The following SELENOH variants were observed in gnomAD, a reference collection of about 807,000 sequenced individuals.
The protein encoded by SELENOH is selenoprotein H, also known as chromosome 11 open reading frame 31.
In SELENOH, 13 loss-of-function variants were observed where a neutral mutation model predicts 11.9. That is an observed-to-expected ratio of 1.09 (90% confidence interval 0.71 to 1.74). The LOEUF is 1.74. Ranked by LOEUF, SELENOH falls within the 40% of genes most tolerant of loss-of-function variation. The pLI, the probability that SELENOH is intolerant of heterozygous loss-of-function variation, is 0.00. For missense variants in SELENOH, 223 were observed against 170.3 expected (o/e 1.31, Z -1.72); for synonymous variants, 96 against 73.5 (o/e 1.31, Z -1.56).
Position 57,741,856 on chromosome 11 carries a change from C to A in SELENOH, c.170C>A (p.Ala57Glu). 1.2e-6 allele frequency: 2 copies of A among 1,605,314 alleles called. No homozygotes were observed. The highest frequency in any genetic ancestry group is 1.1e-5 in the South Asian group (1 of 89,838). The change falls in exon 2 of 4, where the codon GCG (alanine) becomes GAG (glutamate). Residue 57 changes from alanine (A) to glutamate (E), a missense_variant. Physicochemically the swap from Ala to Glu is moderately radical, Grantham distance 107. Coordinates refer to ENST00000534355, the MANE Select transcript of SELENOH (RefSeq NM_170746.4). ...CGCAACGCCGCGGCCCTGAGCCAGG[C>A]GCTGCGCCTGGAGGCCCCAGAGCTT... ...YGRNAAALSQ[A>E]LRLEAPELPV...
intron 3 of SELENOH, 38 bp downstream of exon 3, chr11:57,742,285 G>C (rs962923647): frequency 1.4e-6 from 2 of 1,407,678 alleles, no homozygotes; most frequent in African/African-American, 2.9e-5. Flanking sequence ...CCGCTGTTGA[G>C]GAAGAGAAGG....
rs1278510353 is a variant in SELENOH, at chr11:57,743,544, T to A, written c.*712T>A. The A allele has an allele frequency of 1.3e-5, 2 of 152,210 alleles. No homozygotes were observed. The highest frequency in any genetic ancestry group is 1.9e-4 in the East Asian group (1 of 5,202). The allele number at this position is 152,210 out of a possible 1,614,324, so 9.4% of individuals were successfully genotyped here. ...GGAGCAAAGTAAATAATTTATTTTT[T>A]AAAAAAGCAACTGTATCTTTTTCAA... On this transcript the variant is annotated 3_prime_UTR_variant, in exon 4 of 4. Transcript: ENST00000534355.
At position 57,741,865 on chromosome 11, in the gene SELENOH, T is replaced by C. The variant is rs367704288; in HGVS notation, c.179T>C (p.Leu60Pro). The change falls in exon 2 of 4, where the codon CTG becomes CCG. Residue 60 changes from leucine (L) to proline (P), a missense_variant. Coordinates refer to ENST00000534355, the MANE Select transcript of SELENOH (RefSeq NM_170746.4). ...GCGGCCCTGAGCCAGGCGCTGCGCC[T>C]GGAGGCCCCAGAGCTTCCAGTAAAG... Reference protein sequence around the residue: ...NAAALSQALRLEAPELPVKVN... With the variant: ...NAAALSQALRPEAPELPVKVN... The C allele has an allele frequency of 3.9e-5, 63 of 1,604,828 alleles. No homozygotes were observed. The South Asian group carries it at 6.7e-4, about 17-fold the overall frequency.
In SELENOH at chr11:57,742,193, A is replaced by G; in HGVS notation, c.345A>G (p.Glu115=). The part of the protein sequence containing the change: ...LKFPEPQEVV[E]ELKKYLS ...TCCCTGAGCCTCAAGAGGTGGTGGA[A>G]GAGTTGAAGAAGTACCTGTCGTAGG... Residue 115 remains glutamate (E), a synonymous_variant, in exon 3 of 4, where the codon GAA becomes GAG. Coordinates refer to ENST00000534355, the MANE Select transcript of SELENOH (RefSeq NM_170746.4). 1 of 1,610,850 alleles carries G rather than the reference A, an allele frequency of 6.2e-7. No individual in the cohort carries two copies. The highest frequency in any genetic ancestry group is 8.5e-7 in the Non-Finnish European group (1 of 1,178,666).
chr11:57,741,900 A>C lies in SELENOH; in HGVS notation c.214A>C (p.Thr72Pro), dbSNP rs768867284. Residue 72 changes from threonine (T) to proline (P), a missense_variant, in exon 2 of 4, where the codon ACG (threonine) becomes CCG (proline). Physicochemically the swap from Thr to Pro is conservative, Grantham distance 38. Transcript: ENST00000534355. The stretch of plus-strand genomic sequence containing the variant: ...AGAGCTTCCAGTAAAGGTGAACCCG[A>C]CGAAGCCCCGGAGGGGCAGCTTCGA... ...APELPVKVNPTKPRRGSFEVT... is the reference protein window; with the variant it reads ...APELPVKVNPPKPRRGSFEVT... 1 of 1,594,210 alleles carries C rather than the reference A, an allele frequency of 6.3e-7. No homozygotes were observed. Among genetic ancestry groups the C allele is most frequent in the Non-Finnish European group, 8.5e-7 (1 of 1,174,762 alleles).
Position 57,741,579 on chromosome 11 carries a change from GC to G in SELENOH, c.-15del, listed in dbSNP as rs1949071156. On this transcript the variant is annotated 5_prime_UTR_variant, in exon 1 of 4. Transcript: ENST00000534355. ...ACCCACCAGTCCCGCTGCATTCTCG[GC>G]CGGGCTCTAGGCGCCATGGCTCCCC... 2.4e-6 allele frequency: 3 copies of G among 1,258,782 alleles called. No homozygotes were observed. The highest frequency in any genetic ancestry group is 1.5e-5 in the African/African-American group (1 of 64,774). 78.0% of individuals were successfully genotyped at this position (1,258,782 alleles called of 1,614,324 possible).
In SELENOH at chr11:57,741,831, C is replaced by T. The variant is rs1001289016; in HGVS notation, c.145C>T (p.Arg49Cys). The part of the protein sequence containing the change: ...EHCTSURVYG[R>C]NAAALSQALR... The stretch of plus-strand genomic sequence containing the variant: ...TAGCACTAGCTGACGCGTCTATGGG[C>T]GCAACGCCGCGGCCCTGAGCCAGGC... Residue 49 changes from arginine to cysteine, a missense_variant, in exon 2 of 4, where the codon CGC (arginine) becomes TGC (cysteine). Coordinates refer to ENST00000534355, the MANE Select transcript of SELENOH (RefSeq NM_170746.4). 28 of 1,605,654 alleles carry T rather than the reference C, an allele frequency of 1.7e-5. No homozygotes were observed. The highest frequency in any genetic ancestry group is 2.3e-5 in the Non-Finnish European group (27 of 1,176,530).
In SELENOH at chr11:57,742,203, A is replaced by T. The variant is rs1555025466; in HGVS notation, c.355A>T (p.Lys119Ter). 2 of 1,609,956 alleles carry T rather than the reference A, an allele frequency of 1.2e-6. No homozygotes were observed. The highest frequency in any genetic ancestry group is 1.1e-5 in the South Asian group (1 of 89,982). ...TCAAGAGGTGGTGGAAGAGTTGAAG[A>T]AGTACCTGTCGTAGGGAGATTTGGG... Reference protein sequence around the residue: ...EPQEVVEELKKYLS With the variant: ...EPQEVVEELK Residue 119 changes from lysine (K) to a stop codon, truncating the protein, a stop_gained, in exon 3 of 4, where the codon AAG becomes TAG. Coordinates refer to ENST00000534355, the MANE Select transcript of SELENOH (RefSeq NM_170746.4). LOFTEE classifies it high-confidence loss of function.
intron 3 of SELENOH, 172 bp downstream of exon 3, chr11:57,742,419 A>C (rs1239884356): frequency 1.7e-6 from 1 of 578,522 alleles, no homozygotes; most frequent in African/African-American, 1.9e-5. Context: ...TTTGAAAACA[A>C]AAAACAAAAA....
intron 3 of SELENOH, 161 bp downstream of exon 3, chr11:57,742,408 A>G (rs1468800550): frequency 1.7e-6 from 1 of 591,218 alleles, no homozygotes; most frequent in Non-Finnish European, 3.0e-6. Flanking sequence ...GGGAGACCCT[A>G]TTTGAAAACA....
At position 57,741,905 on chromosome 11, in the gene SELENOH, G is replaced by T; in HGVS notation, c.219G>T (p.Lys73Asn). The T allele has an allele frequency of 6.3e-7, 1 of 1,593,576 alleles. No individual in the cohort carries two copies. ...TTCCAGTAAAGGTGAACCCGACGAA[G>T]CCCCGGAGGGGCAGCTTCGAGGTGA... ...PELPVKVNPT[K>N]PRRGSFEVTL... is the part of the protein sequence containing the mutation. The change falls in exon 2 of 4, where the codon AAG becomes AAT. Residue 73 changes from lysine to asparagine, a missense_variant. Transcript: ENST00000534355.
At chr11:57,742,322 C>T in intron 3 of SELENOH, 75 bp downstream of exon 3, 1 of 1,146,336 alleles carries the variant, frequency 8.7e-7, no homozygotes, top group Non-Finnish European at 1.3e-6. Flanking sequence ...GCTACAAGTA[C>T]CCACCTGGCG....
At chr11:57,742,323 C>A (rs981677238) in intron 3 of SELENOH, 76 bp downstream of exon 3, 4 of 1,135,620 alleles carry the variant, frequency 3.5e-6, no homozygotes, top group Non-Finnish European at 5.1e-6. Context: ...CTACAAGTAC[C>A]CACCTGGCGT....
chr11:57,741,696 C>T lies in SELENOH; in HGVS notation c.101C>T (p.Ala34Val), dbSNP rs777282667. 5.9e-6 allele frequency: 9 copies of T among 1,529,990 alleles called. No individual in the cohort carries two copies. The South Asian group carries it at 9.9e-5, about 17-fold the overall frequency. 94.8% of individuals were successfully genotyped at this position (1,529,990 alleles called of 1,614,324 possible). Residue 34 changes from alanine (A) to valine (V), a missense_variant, in exon 1 of 4, where the codon GCG becomes GTG. Coordinates refer to ENST00000534355, the MANE Select transcript of SELENOH (RefSeq NM_170746.4). Reference protein sequence around the residue: ...LANGGEGMEEATVVIEHCTSU... With the variant: ...LANGGEGMEEVTVVIEHCTSU... ...AACGGCGGGGAGGGAATGGAGGAGGCGACCGTTGTTATCGAGCATTGGTGA... is the reference window on the plus strand; with the variant it reads ...AACGGCGGGGAGGGAATGGAGGAGGTGACCGTTGTTATCGAGCATTGGTGA...
In SELENOH at chr11:57,741,732, G is replaced by A; in HGVS notation, c.122+15G>A. On this transcript the variant is annotated intron_variant, in intron 1 of 3. Coordinates refer to ENST00000534355, the MANE Select transcript of SELENOH (RefSeq NM_170746.4). ...ATCGAGCATTGGTGAGGGGCCTGGA[G>A]AGTAACGGGAGAGAGGGAACAGTGG... is the stretch of plus-strand genomic sequence containing the variant. 6.3e-7 allele frequency: 1 copy of A among 1,593,262 alleles called. No individual in the cohort carries two copies. The highest frequency in any genetic ancestry group is 1.1e-5 in the South Asian group (1 of 87,718).
At chr11:57,742,792 A>G (rs1949122363) in intron 3 of SELENOH, 71 bp from the exon 4 acceptor site, 1 of 154,302 alleles carries the variant, frequency 6.5e-6, no homozygotes, top group South Asian at 2.0e-4. Flanking sequence ...GGGTTGGGGA[A>G]CATGTCTTCC....
In SELENOH at chr11:57,741,608, G is replaced by T; in HGVS notation, c.13G>T (p.Gly5Trp). 3 of 1,274,126 alleles carry T rather than the reference G, an allele frequency of 2.4e-6. No individual in the cohort carries two copies. The highest frequency in any genetic ancestry group is 7.0e-5 in the South Asian group (2 of 28,602). The allele number at this position is 1,274,126 out of a possible 1,614,324, so 78.9% of individuals were successfully genotyped here. A position where few individuals can be genotyped will look rare whatever the true frequency, so the allele number is the denominator to read the frequency against. MAPR[G>W]RKRKAEAAVV... ...GGCTCTAGGCGCCATGGCTCCCCGC[G>T]GGAGGAAGCGTAAGGCTGAGGCCGC... Residue 5 changes from glycine to tryptophan, a missense_variant, in exon 1 of 4, where the codon GGG becomes TGG. Transcript: ENST00000534355.
In SELENOH at chr11:57,743,465, C is replaced by G. The variant is rs969044477; in HGVS notation, c.*633C>G. On this transcript the variant is annotated 3_prime_UTR_variant, in exon 4 of 4. Coordinates refer to ENST00000534355, the MANE Select transcript of SELENOH (RefSeq NM_170746.4). Reference sequence around the variant, plus strand: ...TGATGAGCCACCGCACCTGGCCTGACCTGCAACTTTTATGATCTCTGGTAA... The same window carrying G: ...TGATGAGCCACCGCACCTGGCCTGAGCTGCAACTTTTATGATCTCTGGTAA... The G allele has an allele frequency of 6.6e-6, 1 of 152,136 alleles. No individual in the cohort carries two copies. The highest frequency in any genetic ancestry group is 1.5e-5 in the Non-Finnish European group (1 of 68,060). 9.4% of individuals were successfully genotyped at this position (152,136 alleles called of 1,614,324 possible).
Position 57,742,157 on chromosome 11 carries a change from C to G in SELENOH, c.309C>G (p.Arg103=). The G allele has an allele frequency of 1.2e-6, 2 of 1,612,284 alleles. No individual in the cohort carries two copies. Among genetic ancestry groups the G allele is most frequent in the Non-Finnish European group, 1.7e-6 (2 of 1,179,250 alleles). Reference sequence around the variant, plus strand: ...CTGGGATTAAGAAGGGGCCCCCACGCAAACTCAAATTCCCTGAGCCTCAAG... The same window carrying G: ...CTGGGATTAAGAAGGGGCCCCCACGGAAACTCAAATTCCCTGAGCCTCAAG... The part of the protein sequence containing the change: ...LWTGIKKGPP[R]KLKFPEPQEV... The change falls in exon 3 of 4, where the codon CGC becomes CGG. Residue 103 remains arginine (R), a synonymous_variant. Transcript: ENST00000534355.
Sources: allele counts gnomAD v4.1 joint callset, GRCh38; gene constraint gnomAD v4.1.1; transcripts MANE v1.5; gene names NCBI Gene and HGNC (gene_info 2026-07-23, HGNC 2026-07-21).